PPP1R12A: variants seen among roughly 807,000 people sequenced by gnomAD.
PPP1R12A encodes the protein myosin binding subunit.
PPP1R12A carries 19 observed loss-of-function variants against 139.6 expected under a neutral mutation model. The ratio of observed to expected loss-of-function variants is 0.14; its 90% CI spans 0.09 to 0.20. The LOEUF is 0.20. Ranked by LOEUF, PPP1R12A falls within the 10% of genes least tolerant of loss-of-function variation. The pLI, the probability that PPP1R12A is intolerant of heterozygous loss-of-function variation, is 1.00. For synonymous variants in PPP1R12A, 427 were observed against 420.6 expected (o/e 1.02, Z -0.19); for missense variants, 925 against 1,211.5 (o/e 0.76, Z 3.51).
intron 1 of PPP1R12A, among the ~76,000 whole-genome samples, chr12:79,905,648 T>A (rs1886045208): frequency 6.6e-6 from 1 of 152,186 alleles, no homozygotes; most frequent in Non-Finnish European, 1.5e-5. Context: ...ATCTTTCCAA[T>A]TACGCATATT....
At chr12:79,912,286 C>T (rs1157858763) in intron 1 of PPP1R12A, among the ~76,000 whole-genome samples, 2 of 152,198 alleles carry the variant, frequency 1.3e-5, no homozygotes, top group Non-Finnish European at 2.9e-5. Context: ...ATACTTAATA[C>T]AACTTGCATT....
rs943844724 is a variant in PPP1R12A, at chr12:79,774,505, G to C, written c.*1424C>G. The C allele has an allele frequency of 2.6e-5, 4 of 152,508 alleles. No individual in the cohort carries two copies. The highest frequency in any genetic ancestry group is 9.7e-5 in the African/African-American group (4 of 41,408). The allele number at this position is 152,508 out of a possible 1,614,324, so 9.4% of individuals were successfully genotyped here. On this transcript the variant is annotated 3_prime_UTR_variant, in exon 25 of 25. Coordinates refer to ENST00000450142, the MANE Select transcript of PPP1R12A (RefSeq NM_002480.3). ...TTTATTCAAATGGCTGAACTGTTCA[G>C]TGGTTAAGGAGACAGTTATGTGCCA... is the stretch of plus-strand genomic sequence containing the variant.
At chr12:79,870,317 T>C (rs1245461751) in intron 2 of PPP1R12A, among the ~76,000 whole-genome samples, 2 of 152,092 alleles carry the variant, frequency 1.3e-5, no homozygotes, top group East Asian at 1.9e-4. Flanking sequence ...GGTTTTGTCA[T>C]GTTGCCCAGG....
In PPP1R12A at chr12:79,796,823, G is replaced by A. The variant is rs761550105; in HGVS notation, c.2420C>T (p.Thr807Ile). ...LNRPNSLVGITSAYSRGITKE... is the reference protein window; with the variant it reads ...LNRPNSLVGIISAYSRGITKE... ...TGTTATTCCTCTGGAGTAAGCAGAA[G>A]TTATGCCTACAAGACTATTTGGCCT... The change falls in exon 17 of 25, where the codon ACT becomes ATT. Residue 807 changes from threonine to isoleucine, a missense_variant. Thr to Ile is a moderately conservative substitution (Grantham distance 89). Around this residue, in one of 4 missense-constraint regions of PPP1R12A, gnomAD observed 315 missense variants for 363.4 expected, o/e 0.87. Coordinates refer to ENST00000450142, the MANE Select transcript of PPP1R12A (RefSeq NM_002480.3). The A allele has an allele frequency of 3.1e-6, 5 of 1,611,488 alleles. No individual in the cohort carries two copies. Among genetic ancestry groups the A allele is most frequent in the Non-Finnish European group, 4.2e-6 (5 of 1,178,028 alleles).
chr12:79,935,385 C>T, upstream of PPP1R12A: 1 of 995,220 alleles, frequency 1.0e-6, no homozygotes, highest in Non-Finnish European at 1.2e-6. Context: ...GGAAGGTTGT[C>T]CTGTCGGGCT....
At chr12:79,835,557 CACTTTGACT>C (rs1288948707) in intron 3 of PPP1R12A, among the ~76,000 whole-genome samples, 1 of 152,174 alleles carries the variant, frequency 6.6e-6, no homozygotes, top group Non-Finnish European at 1.5e-5. Context: ...TTATGTCTCA[CACTTTGACT>C]ACTGCTACCA....
At chr12:79,887,786 A>G (rs1178651081) in intron 1 of PPP1R12A, among the ~76,000 whole-genome samples, 1 of 152,182 alleles carries the variant, frequency 6.6e-6, no homozygotes, top group East Asian at 1.9e-4. Context: ...ACAAGTTACA[A>G]AAGAATACTC....
At chr12:79,803,081 A>C (rs1873392876) in intron 14 of PPP1R12A, among the ~76,000 whole-genome samples, 1 of 152,216 alleles carries the variant, frequency 6.6e-6, no homozygotes, top group Non-Finnish European at 1.5e-5. Context: ...GGTTAGGGGG[A>C]TAAAAGTTAC....
At chr12:79,912,382 G>A (rs1886643911) in intron 1 of PPP1R12A, among the ~76,000 whole-genome samples, 1 of 152,096 alleles carries the variant, frequency 6.6e-6, no homozygotes, top group South Asian at 2.1e-4. Context: ...CACAAGGCAG[G>A]CAAACATTTT....
At chr12:79,869,708 A>T (rs1882360596) in intron 2 of PPP1R12A, among the ~76,000 whole-genome samples, 1 of 152,140 alleles carries the variant, frequency 6.6e-6, no homozygotes, top group Non-Finnish European at 1.5e-5. Flanking sequence ...TATGAGAAAA[A>T]AGACTTAGGA....
In PPP1R12A at chr12:79,906,727, T is replaced by C. The variant is rs185909054; in HGVS notation, c.237+27968A>G. On this transcript the variant is annotated intron_variant, in intron 1 of 24. Coordinates refer to ENST00000450142, the MANE Select transcript of PPP1R12A (RefSeq NM_002480.3). ...GGCACGATCTTGGCTCACTGCAACT[T>C]CCGCCTCCCAGGTTCAGGCAATTCT... is the stretch of plus-strand genomic sequence containing the variant. Among the ~76,000 whole-genome samples, 74 of 152,266 alleles carry C rather than the reference T, an allele frequency of 4.9e-4. No individual in the cohort carries two copies. The East Asian group carries it at 0.011, about 23-fold the overall frequency.
chr12:79,776,315 C>A (rs538770724), intron 24 of PPP1R12A, among the ~76,000 whole-genome samples: 4 of 152,158 alleles, frequency 2.6e-5, no homozygotes, highest in Non-Finnish European at 4.4e-5. Flanking sequence ...GCAGCCAAGA[C>A]AAGCCTGTTT....
Position 79,796,908 on chromosome 12 carries a change from T to C in PPP1R12A, c.2335A>G (p.Thr779Ala), listed in dbSNP as rs201175104. The C allele has an allele frequency of 5.9e-4, 953 of 1,612,506 alleles. 7 individuals are homozygous for C. In the South Asian group the frequency reaches 8.2e-3, roughly 14 times the overall value. ...YRPVSTSSSTTPSSSLSTMSS... is the reference protein window; with the variant it reads ...YRPVSTSSSTAPSSSLSTMSS... ...ATAGTAGAAAGTGAAGAGGATGGAGTGGTTGAACTTGAAGTTGATACTGGC... is the reference window on the plus strand; with the variant it reads ...ATAGTAGAAAGTGAAGAGGATGGAGCGGTTGAACTTGAAGTTGATACTGGC... The change falls in exon 17 of 25, where the codon ACT becomes GCT. Residue 779 changes from threonine (T) to alanine (A), a missense_variant. Thr to Ala is a moderately conservative substitution (Grantham distance 58). This residue lies in a region of PPP1R12A where 315 missense variants were observed against 363.4 expected (regional missense o/e 0.87). Coordinates refer to ENST00000450142, the MANE Select transcript of PPP1R12A (RefSeq NM_002480.3).
At chr12:79,909,392 A>G (rs886560311) in intron 1 of PPP1R12A, among the ~76,000 whole-genome samples, 10 of 152,178 alleles carry the variant, frequency 6.6e-5, no homozygotes, top group Non-Finnish European at 1.2e-4. Flanking sequence ...GAAGACTCAG[A>G]TATTAATTCC....
intron 2 of PPP1R12A, among the ~76,000 whole-genome samples, chr12:79,867,019 CAT>C (rs1431720166): frequency 6.6e-6 from 1 of 152,164 alleles, no homozygotes; most frequent in African/African-American, 2.4e-5. Context: ...CACAGGTACA[CAT>C]ATGTTTATTG....
chr12:79,913,488 A>C (rs1349018285), intron 1 of PPP1R12A, among the ~76,000 whole-genome samples: 2 of 152,142 alleles, frequency 1.3e-5, no homozygotes, highest in Non-Finnish European at 1.5e-5. Flanking sequence ...TCAAGTGTCC[A>C]TATCTGTCTG....
rs202246287 is a variant in PPP1R12A, at chr12:79,890,322, G to C, written c.238-17384C>G. Reference sequence around the variant, plus strand: ...AATAGTAACATGGCTAACAAAATGAGATGAAGATTAAAATGGATGAGTGCT... The same window carrying C: ...AATAGTAACATGGCTAACAAAATGACATGAAGATTAAAATGGATGAGTGCT... On this transcript the variant is annotated intron_variant, in intron 1 of 24. Coordinates refer to ENST00000450142, the MANE Select transcript of PPP1R12A (RefSeq NM_002480.3). Among the ~76,000 whole-genome samples, 16 of 152,266 alleles carry C rather than the reference G, an allele frequency of 1.1e-4. No homozygotes were observed. In the East Asian group the frequency reaches 3.1e-3, roughly 29 times the overall value.
chr12:79,858,879 G>A (rs1456405344), intron 2 of PPP1R12A, among the ~76,000 whole-genome samples: 1 of 152,164 alleles, frequency 6.6e-6, no homozygotes, highest in South Asian at 2.1e-4. Context: ...CAGAACTCTG[G>A]CTTCTACCCT....
intron 14 of PPP1R12A, among the ~76,000 whole-genome samples, chr12:79,804,238 T>C (rs1406139557): frequency 6.6e-6 from 1 of 152,024 alleles, no homozygotes. Context: ...GATTAAATGA[T>C]GGATACTAAT....
Sources: allele counts gnomAD v4.1 joint callset (sites outside exome capture counted in the v4.1 genomes callset), GRCh38; gene constraint gnomAD v4.1.1; regional missense constraint gnomAD v4.1.1; transcripts MANE v1.5; gene names NCBI Gene and HGNC (gene_info 2026-07-23, HGNC 2026-07-21).